Variants in EVL observed in about 807,000 individuals in gnomAD.
EVL encodes Enah/Vasp-like, also known as ena/VASP-like protein.
A neutral mutation model predicts 59.6 loss-of-function variants in EVL; 21 were observed. The ratio of observed to expected loss-of-function variants is 0.35; its 90% CI spans 0.25 to 0.51. EVL has a LOEUF of 0.51. Ranked by LOEUF, EVL falls within the 20% of genes least tolerant of loss-of-function variation. EVL has a pLI of 0.97. For missense variants in EVL, 462 were observed against 546.6 expected (o/e 0.85, Z 1.54); for synonymous variants, 198 against 203.5 (o/e 0.97, Z 0.23).
intron 1 of EVL, among the ~76,000 whole-genome samples, chr14:100,018,324 G>A (rs190179621): frequency 3.3e-5 from 5 of 152,368 alleles, no homozygotes; most frequent in African/African-American, 1.2e-4. Flanking sequence ...CCCGAGAAGG[G>A]AGGTCCTGAC....
intron 8 of EVL, chr14:100,135,048 C>T (rs2140396770): frequency 6.6e-6 from 1 of 152,352 alleles, no homozygotes; most frequent in Admixed American, 6.5e-5. Flanking sequence ...TCGTGGCCCC[C>T]ACATGTGTGT....
chr14:100,060,040 T>C (rs1441751910), intron 1 of EVL, among the ~76,000 whole-genome samples: 3 of 152,214 alleles, frequency 2.0e-5, no homozygotes, highest in Non-Finnish European at 2.9e-5. Flanking sequence ...AGGCAAGTTC[T>C]TCAAATTACC....
intron 1 of EVL, among the ~76,000 whole-genome samples, chr14:100,056,473 A>G (rs1196950927): frequency 6.6e-6 from 1 of 152,164 alleles, no homozygotes; most frequent in East Asian, 1.9e-4. Context: ...CTCCAAAGAC[A>G]TTTATTATAC....
chr14:99,992,028 A>C (rs2060879054), intron 1 of EVL, among the ~76,000 whole-genome samples: 1 of 149,530 alleles, frequency 6.7e-6, no homozygotes, highest in Non-Finnish European at 1.5e-5. Flanking sequence ...TGGTAATTTT[A>C]TTTTTAATTT....
intron 1 of EVL, among the ~76,000 whole-genome samples, chr14:100,016,890 G>C (rs1164863035): frequency 6.6e-6 from 1 of 152,038 alleles, no homozygotes; most frequent in Non-Finnish European, 1.5e-5. Context: ...TGAAATTTGG[G>C]GATTCACCTG....
intron 1 of EVL, among the ~76,000 whole-genome samples, chr14:100,029,867 T>G (rs1212517361): frequency 6.6e-6 from 1 of 152,156 alleles, no homozygotes; most frequent in East Asian, 1.9e-4. Flanking sequence ...GACTGGTGAC[T>G]TCTCTGCCCT....
intron 1 of EVL, among the ~76,000 whole-genome samples, chr14:99,976,484 C>G (rs2140166921): frequency 6.7e-6 from 1 of 149,892 alleles, no homozygotes; most frequent in South Asian, 2.1e-4. Flanking sequence ...TTAGTTGTTT[C>G]CAGTGTCTGT....
chr14:99,992,747 G>A (rs1595548095), intron 1 of EVL, among the ~76,000 whole-genome samples: 1 of 152,232 alleles, frequency 6.6e-6, no homozygotes, highest in East Asian at 1.9e-4. Flanking sequence ...ACATGCAAAT[G>A]GACATCATTG....
chr14:100,033,551 A>G (rs1190921118), intron 1 of EVL, among the ~76,000 whole-genome samples: 1 of 152,172 alleles, frequency 6.6e-6, no homozygotes, highest in African/African-American at 2.4e-5. Flanking sequence ...TTCTACCCTA[A>G]TTTTGTAAAA....
intron 3 of EVL, among the ~76,000 whole-genome samples, chr14:100,101,740 A>G (rs1057331361): frequency 9.2e-5 from 14 of 152,248 alleles, no homozygotes; most frequent in African/African-American, 3.4e-4. Flanking sequence ...CCAGCACAAG[A>G]CAGTTGCCCA....
rs1455673060 is a variant in EVL, at chr14:100,130,617, G to A, written c.839+933G>A. Among the ~76,000 whole-genome samples the A allele has an allele frequency of 6.6e-6, 1 of 152,230 alleles. No individual in the cohort carries two copies. The highest frequency in any genetic ancestry group is 2.1e-4 in the South Asian group (1 of 4,832). ...GTGTGCCCAGGGTCTTCACACTGCA[G>A]TCCTAGTTCCTCTCATTACCTTCCC... On this transcript the variant is annotated intron_variant, in intron 7 of 13. Coordinates refer to ENST00000392920, the MANE Select transcript of EVL (RefSeq NM_016337.3). The surrounding 1 kb of genome is among the most constrained non-coding windows in gnomAD (Gnocchi z 4.8).
upstream of EVL, among the ~76,000 whole-genome samples, chr14:100,060,569 A>G (rs2061809989): frequency 6.6e-6 from 1 of 152,184 alleles, no homozygotes; most frequent in South Asian, 2.1e-4. Flanking sequence ...ATAGATATCT[A>G]ATCTGAAAAA....
chr14:100,001,588 G>T (rs2060946474), intron 1 of EVL, among the ~76,000 whole-genome samples: 1 of 152,218 alleles, frequency 6.6e-6, no homozygotes, highest in Non-Finnish European at 1.5e-5. Flanking sequence ...TTGTTCCATT[G>T]AAGGAGTCTC....
chr14:100,111,691 C>A (rs1887004860), intron 3 of EVL, among the ~76,000 whole-genome samples: 1 of 152,164 alleles, frequency 6.6e-6, no homozygotes, highest in Non-Finnish European at 1.5e-5. Context: ...CAGAAAGGAA[C>A]AAACCCCTTC....
chr14:99,990,325 G>T (rs375430035), intron 1 of EVL, among the ~76,000 whole-genome samples: 1 of 152,000 alleles, frequency 6.6e-6, no homozygotes, highest in Non-Finnish European at 1.5e-5. Flanking sequence ...TCCAGTGTTC[G>T]CTCTTTTTTA....
At chr14:100,061,440 A>ACAAAAAAAAAACACC (rs2061830725), upstream of EVL, among the ~76,000 whole-genome samples, 1 of 133,196 alleles carries the variant, frequency 7.5e-6, no homozygotes, top group Non-Finnish European at 1.6e-5. Flanking sequence ...AAGAAATGCT[A>ACAAAAAAAAAACACC]AAGGAAGTTC....
chr14:100,059,893 A>T (rs1408945308), intron 1 of EVL, among the ~76,000 whole-genome samples: 1 of 152,188 alleles, frequency 6.6e-6, no homozygotes, highest in Non-Finnish European at 1.5e-5. Context: ...CATAATCCAG[A>T]CTTTCTGCAA....
At chr14:100,119,437 CCT>C (rs941418186) in intron 3 of EVL, among the ~76,000 whole-genome samples, 4 of 152,162 alleles carry the variant, frequency 2.6e-5, no homozygotes, top group African/African-American at 9.7e-5. Context: ...TCCCCTCACC[CCT>C]GAGAACCACC....
At chr14:100,136,649 C>A (rs1021265355) in intron 9 of EVL, among the ~76,000 whole-genome samples, 1 of 152,152 alleles carries the variant, frequency 6.6e-6, no homozygotes, top group African/African-American at 2.4e-5. Flanking sequence ...CAGCTGTTCG[C>A]GTGTGTCTCT....
Sources: gnomAD v4.1 joint callset for allele counts (sites outside exome capture counted in the v4.1 genomes callset) on GRCh38, gnomAD v4.1.1 for gene constraint, Gnocchi (gnomAD v3.1) non-coding constraint, MANE v1.5 for transcripts, NCBI Gene and HGNC (gene_info 2026-07-23, HGNC 2026-07-21) for gene names.